Variants in HMGCLL1 observed in about 807,000 individuals in gnomAD.
HMGCLL1 encodes 3-hydroxy-3-methylglutaryl-CoA lyase like 1.
Under a neutral mutation model 39.1 loss-of-function variants are expected in HMGCLL1, and 36 were observed. The observed-to-expected ratio is 0.92, with a 90% confidence interval of 0.71 to 1.22. The LOEUF (loss-of-function observed/expected upper bound fraction) is 1.22, where lower values mean the gene tolerates loss of function less well. HMGCLL1 is among the 50% of genes most tolerant of loss of function. The probability of loss-of-function intolerance (pLI) is 0.00; values close to 1 mark genes in which losing one functional copy is unlikely to be tolerated. For missense variants in HMGCLL1, 451 were observed against 416.5 expected (o/e 1.08, Z -0.72); for synonymous variants, 149 against 144.0 (o/e 1.03, Z -0.25).
chr6:55,611,484 T>C, the HMGCLL1 span, among the ~76,000 whole-genome samples: 1 of 152,094 alleles, frequency 6.6e-6, no homozygotes, highest in African/African-American at 2.4e-5. Context: ...GTTATCCTGA[T>C]ACCAAAACCT....
intron 4 of HMGCLL1, among the ~76,000 whole-genome samples, chr6:55,515,259 A>G (rs1162481863): frequency 6.6e-6 from 1 of 152,006 alleles, no homozygotes; most frequent in Admixed American, 6.6e-5. Context: ...CTCAGAAAAA[A>G]AAAAAAAAAT....
At chr6:55,549,440 G>T (rs1332348223) in intron 1 of HMGCLL1, among the ~76,000 whole-genome samples, 1 of 150,680 alleles carries the variant, frequency 6.6e-6, no homozygotes, top group Non-Finnish European at 1.5e-5. Context: ...AATTTTCTGG[G>T]ATAAAATTGT....
chr6:55,598,858 C>T, the HMGCLL1 span, among the ~76,000 whole-genome samples: 1 of 152,046 alleles, frequency 6.6e-6, no homozygotes, highest in South Asian at 2.1e-4. Flanking sequence ...TTTATGTGTG[C>T]ATATTTGTAC....
chr6:55,601,081 G>A, the HMGCLL1 span, among the ~76,000 whole-genome samples: 2 of 151,998 alleles, frequency 1.3e-5, no homozygotes, highest in African/African-American at 4.8e-5. Flanking sequence ...AGATTTACCT[G>A]GGCATCCTGA....
the HMGCLL1 span, among the ~76,000 whole-genome samples, chr6:55,673,086 T>C: frequency 6.6e-6 from 1 of 152,044 alleles, no homozygotes; most frequent in South Asian, 2.1e-4. Flanking sequence ...GCAACCTTCC[T>C]ATGGAATCAG....
At chr6:55,603,205 A>G in the HMGCLL1 span, among the ~76,000 whole-genome samples, 2 of 152,142 alleles carry the variant, frequency 1.3e-5, no homozygotes, top group Non-Finnish European at 2.9e-5. Context: ...ACCAATCTGA[A>G]AATAGACACT....
chr6:55,456,855 G>A (rs1262937281), intron 7 of HMGCLL1, among the ~76,000 whole-genome samples: 2 of 152,126 alleles, frequency 1.3e-5, no homozygotes, highest in African/African-American at 4.8e-5. Context: ...CTAATCTCCA[G>A]GAGTGCCTCC....
the HMGCLL1 span, among the ~76,000 whole-genome samples, chr6:55,614,253 T>C: frequency 6.6e-6 from 1 of 152,108 alleles, no homozygotes; most frequent in African/African-American, 2.4e-5. Flanking sequence ...ATTAGATCTG[T>C]AGGAGATATT....
chr6:55,456,151 C>G (rs1274341743), intron 7 of HMGCLL1, among the ~76,000 whole-genome samples: 1 of 152,094 alleles, frequency 6.6e-6, no homozygotes, highest in Non-Finnish European at 1.5e-5. Flanking sequence ...AAAAAAAAGT[C>G]ATATAAGACA....
chr6:55,650,116 TATATATATATATATATATAC>T, the HMGCLL1 span, among the ~76,000 whole-genome samples: 24 of 79,438 alleles, frequency 3.0e-4, 2 homozygotes, highest in South Asian at 9.8e-3. Context: ...TATATATATA[TATATATATATATATATATAC>T]ACACACACAC....
At chr6:55,629,096 G>C in the HMGCLL1 span, among the ~76,000 whole-genome samples, 45 of 152,264 alleles carry the variant, frequency 3.0e-4, no homozygotes, top group Admixed American at 5.9e-4. Flanking sequence ...GAACAGTTTG[G>C]AGGGCTCAGA....
the HMGCLL1 span, among the ~76,000 whole-genome samples, chr6:55,632,680 G>T: frequency 6.6e-6 from 1 of 151,902 alleles, no homozygotes. Flanking sequence ...AGTGAATTTT[G>T]TATATACCTA....
At chr6:55,620,894 G>A in the HMGCLL1 span, among the ~76,000 whole-genome samples, 1 of 152,086 alleles carries the variant, frequency 6.6e-6, no homozygotes, top group East Asian at 1.9e-4. Flanking sequence ...TTTCTCCAAT[G>A]TTTGTTCTTG....
the HMGCLL1 span, among the ~76,000 whole-genome samples, chr6:55,586,654 T>C: frequency 1.3e-4 from 19 of 151,816 alleles, no homozygotes; most frequent in African/African-American, 4.4e-4. Context: ...GTTTGGTTTT[T>C]TGTCCTTGCG....
intron 1 of HMGCLL1, chr6:55,577,016 G>T: frequency 6.2e-7 from 1 of 1,603,850 alleles, no homozygotes. Flanking sequence ...AGTGAGTGTA[G>T]ATTGTCACTC....
At chr6:55,469,003 T>A (rs1236880499) in intron 7 of HMGCLL1, among the ~76,000 whole-genome samples, 2 of 151,852 alleles carry the variant, frequency 1.3e-5, no homozygotes, top group Non-Finnish European at 2.9e-5. Context: ...CAGGGAACTA[T>A]GTAGGCCTCT....
At chr6:55,672,669 A>C in the HMGCLL1 span, among the ~76,000 whole-genome samples, 6 of 151,950 alleles carry the variant, frequency 3.9e-5, no homozygotes, top group Non-Finnish European at 8.8e-5. Context: ...CTTGAACATA[A>C]GAAGTACTAT....
the HMGCLL1 span, among the ~76,000 whole-genome samples, chr6:55,624,584 CCATT>C: frequency 6.6e-6 from 1 of 152,126 alleles, no homozygotes; most frequent in South Asian, 2.1e-4. Flanking sequence ...TCACATTGGT[CCATT>C]CCATGGATGA....
chr6:55,624,743 G>T, the HMGCLL1 span, among the ~76,000 whole-genome samples: 10 of 152,140 alleles, frequency 6.6e-5, no homozygotes, highest in Admixed American at 6.6e-4. Flanking sequence ...GGGTCCAGTG[G>T]TGTGGGGCCT....
Sources: allele counts gnomAD v4.1 joint callset (sites outside exome capture counted in the v4.1 genomes callset), GRCh38; gene constraint gnomAD v4.1.1; transcripts MANE v1.5; gene names NCBI Gene and HGNC (gene_info 2026-07-23, HGNC 2026-07-21).